TELO2: variants seen among roughly 807,000 people sequenced by gnomAD.
The protein encoded by TELO2 is telomere length regulation protein TEL2 homolog.
TELO2 carries 71 observed loss-of-function variants against 91.0 expected under a neutral mutation model. The observed-to-expected ratio is 0.78, with a 90% CI of 0.64 to 0.95. The LOEUF (loss-of-function observed/expected upper bound fraction) is 0.95, where lower values mean the gene tolerates loss of function less well. Among genes scored for constraint, TELO2 ranks in the 40% least tolerant of loss-of-function variants. TELO2 has a pLI of 0.00. For synonymous variants in TELO2, 584 were observed against 518.9 expected (o/e 1.13, Z -1.71); for missense variants, 1,183 against 1,141.3 (o/e 1.04, Z -0.53).
At position 1,494,008 on chromosome 16, in the gene TELO2, T is replaced by G. The variant is rs2039390876; in HGVS notation, c.-36-238T>G. Among the ~76,000 whole-genome samples the G allele has an allele frequency of 6.6e-6, 1 of 152,182 alleles. No individual in the cohort carries two copies. ...CTCCCGGTTGAGACAACTGAGAATG[T>G]TCCCTGGGCACAGTGGCCCGGGTTG... On this transcript the variant is annotated intron_variant, in intron 1 of 20. Transcript: ENST00000262319. The surrounding 1 kb of genome is among the most constrained non-coding windows in gnomAD (Gnocchi z 5.6).
Position 1,505,986 on chromosome 16 carries a change from C to T in TELO2, c.2035-252C>T, listed in dbSNP as rs576469242. 2.0e-4 allele frequency among the ~76,000 whole-genome samples: 30 copies of T among 152,238 alleles called. No homozygotes were observed. The highest frequency in any genetic ancestry group is 2.8e-4 in the Non-Finnish European group (19 of 68,038). On this transcript the variant is annotated intron_variant, in intron 16 of 20. Coordinates refer to ENST00000262319, the MANE Select transcript of TELO2 (RefSeq NM_016111.4). This position sits in a 1 kb window ranked among gnomAD's most constrained non-coding sequence, Gnocchi z 4.3. ...AGTGCCCAGGGCGGCCTCCCCAGGACGCTCCTCCAGCCTTGAATGTCCTGC... is the reference window on the plus strand; with the variant it reads ...AGTGCCCAGGGCGGCCTCCCCAGGATGCTCCTCCAGCCTTGAATGTCCTGC...
Position 1,497,557 on chromosome 16 carries a change from C to A in TELO2, c.830+49C>A, listed in dbSNP as rs1371315196. On this transcript the variant is annotated intron_variant, in intron 5 of 20. Coordinates refer to ENST00000262319, the MANE Select transcript of TELO2 (RefSeq NM_016111.4). This position sits in a 1 kb window ranked among gnomAD's most constrained non-coding sequence, Gnocchi z 4.0. ...GCTGCACTGGCTTCTGGGGTCTGGA[C>A]CCCCAGAGGCTGCCATTCCTTCACG... 7.3e-6 allele frequency: 11 copies of A among 1,498,692 alleles called. No homozygotes were observed. The East Asian group carries it at 2.0e-4, about 27-fold the overall frequency. 92.8% of individuals were successfully genotyped at this position (1,498,692 alleles called of 1,614,324 possible).
Position 1,497,284 on chromosome 16 carries a change from C to A in TELO2, c.683-77C>A. On this transcript the variant is annotated intron_variant, in intron 4 of 20. Coordinates refer to ENST00000262319, the MANE Select transcript of TELO2 (RefSeq NM_016111.4). This position sits in a 1 kb window ranked among gnomAD's most constrained non-coding sequence, Gnocchi z 4.0. ...GCTTACTGGGGAGCTGTGGGACTGT[C>A]CTTGCTGGACCCACACAGCCCCAGA... 1 of 1,496,192 alleles carries A rather than the reference C, an allele frequency of 6.7e-7. No individual in the cohort carries two copies. Among genetic ancestry groups the A allele is most frequent in the South Asian group, 1.3e-5 (1 of 75,656 alleles). 92.7% of individuals were successfully genotyped at this position (1,496,192 alleles called of 1,614,324 possible).
chr16:1,500,232 G>A (rs1356344624), intron 7 of TELO2, 68 bp downstream of exon 7: 9 of 1,538,302 alleles, frequency 5.9e-6, no homozygotes, highest in South Asian at 1.2e-5. Context: ...CTCACCTTTT[G>A]GGCGGCAGGG....
intron 10 of TELO2, 35 bp from the exon 11 acceptor site, chr16:1,501,628 C>G (rs201482734): frequency 1.9e-6 from 3 of 1,584,642 alleles, no homozygotes; most frequent in Non-Finnish European, 8.6e-7. Context: ...GCTCGAGGGG[C>G]CCCTAAAGGA....
intron 12 of TELO2, 60 bp downstream of exon 12, chr16:1,502,195 G>C: frequency 1.9e-6 from 3 of 1,601,634 alleles, no homozygotes; most frequent in Non-Finnish European, 2.6e-6. Flanking sequence ...TCACAGCCTG[G>C]TTCTGCCTCA....
At chr16:1,504,467 G>A (rs952826039) in intron 15 of TELO2, among the ~76,000 whole-genome samples, 20 of 148,440 alleles carry the variant, frequency 1.3e-4, no homozygotes, top group African/African-American at 3.7e-4. Flanking sequence ...GGAGGGGAGG[G>A]GTTAACGTGG....
chr16:1,497,070 G>A lies in TELO2; in HGVS notation c.648G>A (p.Gln216=), dbSNP rs915405754. 1.9e-6 allele frequency: 3 copies of A among 1,614,074 alleles called. No homozygotes were observed. Among genetic ancestry groups the A allele is most frequent in the South Asian group, 2.2e-5 (2 of 91,072 alleles). Residue 216 remains glutamine, a synonymous_variant, in exon 4 of 21, where the codon CAG becomes CAA. Transcript: ENST00000262319. The surrounding 1 kb of genome is among the most constrained non-coding windows in gnomAD (Gnocchi z 4.0). The part of the protein sequence containing the change: ...GLDSSVSFVS[Q]VLGKACVHGR... Reference sequence around the variant, plus strand: ...ATTCCTCCGTGTCCTTCGTGTCTCAGGTCCTTGGGAAAGCCTGTGTCCACG... The same window carrying A: ...ATTCCTCCGTGTCCTTCGTGTCTCAAGTCCTTGGGAAAGCCTGTGTCCACG...
chr16:1,500,368 A>G lies in TELO2; in HGVS notation c.1024A>G (p.Thr342Ala). ...LLQVLKELLE[T>A]WGSSSAIRHT... The stretch of plus-strand genomic sequence containing the variant: ...GCAGGTGCTGAAGGAGCTGTTGGAG[A>G]CGTGGGGCAGCAGCAGTGCCATCCG... The change falls in exon 8 of 21, where the codon ACG (threonine) becomes GCG (alanine). Residue 342 changes from threonine (T) to alanine (A), a missense_variant. Thr to Ala is a moderately conservative substitution (Grantham distance 58). Transcript: ENST00000262319. 2 of 1,594,442 alleles carry G rather than the reference A, an allele frequency of 1.3e-6. No individual in the cohort carries two copies. The highest frequency in any genetic ancestry group is 1.1e-5 in the South Asian group (1 of 88,736).
chr16:1,500,558 T>G lies in TELO2; in HGVS notation c.1145-5T>G. On this transcript the variant is annotated splice_polypyrimidine_tract_variant and splice_region_variant and intron_variant, in intron 8 of 20. Coordinates refer to ENST00000262319, the MANE Select transcript of TELO2 (RefSeq NM_016111.4). ...GTGCTCAGGGGGCCTGTCCGGTGCT[T>G]GCAGAACTGCTGGCCAGCATGATGG... is the stretch of plus-strand genomic sequence containing the variant. 1 of 1,611,644 alleles carries G rather than the reference T, an allele frequency of 6.2e-7. No individual in the cohort carries two copies. Among genetic ancestry groups the G allele is most frequent in the Non-Finnish European group, 8.5e-7 (1 of 1,179,526 alleles).
At chr16:1,508,182 G>T (rs1347152438) in intron 20 of TELO2, among the ~76,000 whole-genome samples, 1 of 152,146 alleles carries the variant, frequency 6.6e-6, no homozygotes, top group African/African-American at 2.4e-5. Context: ...GCCCAGGCTG[G>T]AGTGCCGTGG....
At position 1,510,310 on chromosome 16, in the gene TELO2, C is replaced by G. The variant is rs1219135730; in HGVS notation, c.*374C>G. 7.0e-6 allele frequency: 2 copies of G among 285,346 alleles called. No homozygotes were observed. Among genetic ancestry groups the G allele is most frequent in the South Asian group, 3.9e-5 (1 of 25,940 alleles). 17.7% of individuals were successfully genotyped at this position (285,346 alleles called of 1,614,324 possible). Reference sequence around the variant, plus strand: ...AGCCACCAAGCAGGACAGAGCAGCTCTTGTCCCAGGTCCCTCGGGCTGAGC... The same window carrying G: ...AGCCACCAAGCAGGACAGAGCAGCTGTTGTCCCAGGTCCCTCGGGCTGAGC... On this transcript the variant is annotated 3_prime_UTR_variant, in exon 21 of 21. Transcript: ENST00000262319.
Position 1,494,229 on chromosome 16 carries a change from C to T in TELO2, c.-36-17C>T, listed in dbSNP as rs1460467059. 3 of 1,553,100 alleles carry T rather than the reference C, an allele frequency of 1.9e-6. No homozygotes were observed. Among genetic ancestry groups the T allele is most frequent in the East Asian group, 2.3e-5 (1 of 44,208 alleles). The stretch of plus-strand genomic sequence containing the variant: ...TTATTTCCGTGCCCCAAGCTGAGCC[C>T]TGTGTCCATGTCACAGGTCGTCTTC... On this transcript the variant is annotated splice_polypyrimidine_tract_variant and intron_variant, in intron 1 of 20. Transcript: ENST00000262319. The surrounding 1 kb of genome is among the most constrained non-coding windows in gnomAD (Gnocchi z 5.6).
Position 1,502,411 on chromosome 16 carries a change from G to T in TELO2, c.1653+7G>T, listed in dbSNP as rs780880078. 3.1e-5 allele frequency: 50 copies of T among 1,587,982 alleles called. No individual in the cohort carries two copies. The highest frequency in any genetic ancestry group is 2.1e-4 in the Admixed American group (12 of 56,116). ...CCCCACAGCCACTCGGGAGGTGAGT[G>T]GGGGGCGGGAGTGGGTGGGGAGGCC... On this transcript the variant is annotated splice_region_variant and intron_variant, in intron 13 of 20. Coordinates refer to ENST00000262319, the MANE Select transcript of TELO2 (RefSeq NM_016111.4).
At position 1,503,206 on chromosome 16, in the gene TELO2, C is replaced by T. The variant is rs927754767; in HGVS notation, c.1842+204C>T. On this transcript the variant is annotated intron_variant, in intron 15 of 20. Coordinates refer to ENST00000262319, the MANE Select transcript of TELO2 (RefSeq NM_016111.4). ...AGAGAGTTTTGTTTGTTTAAAATAA[C>T]AGCTTTACTGATATAATTCACACGC... Among the ~76,000 whole-genome samples the T allele has an allele frequency of 2.6e-5, 4 of 152,196 alleles. No homozygotes were observed. The East Asian group carries it at 5.8e-4, about 22-fold the overall frequency.
Position 1,501,718 on chromosome 16 carries a change from G to C in TELO2, c.1417G>C (p.Val473Leu). The stretch of plus-strand genomic sequence containing the variant: ...CCCTGCAGAGACCCCCGCAGAGATC[G>C]TGGATGGCGGCGTCCCCCAAGCACA... ...EPPAETPAEIVDGGVPQAQLA... is the reference protein window; with the variant it reads ...EPPAETPAEILDGGVPQAQLA... Residue 473 changes from valine (V) to leucine (L), a missense_variant, in exon 11 of 21, where the codon GTG becomes CTG. Transcript: ENST00000262319. 1 of 1,612,538 alleles carries C rather than the reference G, an allele frequency of 6.2e-7. No homozygotes were observed. The highest frequency in any genetic ancestry group is 8.5e-7 in the Non-Finnish European group (1 of 1,179,912).
intron 20 of TELO2, among the ~76,000 whole-genome samples, chr16:1,509,136 C>A (rs912358665): frequency 6.6e-6 from 1 of 152,196 alleles, no homozygotes. Flanking sequence ...GTACCTGCGA[C>A]GTCATCATCT....
rs1407688277 is a variant in TELO2, at chr16:1,497,444, G to A, written c.766G>A (p.Val256Met). Residue 256 changes from valine to methionine, a missense_variant, in exon 5 of 21, where the codon GTG (valine) becomes ATG (methionine). Physicochemically the swap from Val to Met is conservative, Grantham distance 21 (BLOSUM62 1). Coordinates refer to ENST00000262319, the MANE Select transcript of TELO2 (RefSeq NM_016111.4). This position sits in a 1 kb window ranked among gnomAD's most constrained non-coding sequence, Gnocchi z 4.0. The stretch of plus-strand genomic sequence containing the variant: ...GCACCAGCGCGTCTGCTGGCGCCTG[G>A]TGGAGCAAGTGCCGGACCGGGCCAT... ...YLHQRVCWRLVEQVPDRAMEA... is the reference protein window; with the variant it reads ...YLHQRVCWRLMEQVPDRAMEA... 2.6e-6 allele frequency: 4 copies of A among 1,568,286 alleles called. No individual in the cohort carries two copies. In the South Asian group the frequency reaches 4.7e-5, roughly 18 times the overall value.
chr16:1,501,107 C>T lies in TELO2; in HGVS notation c.1282-313C>T, dbSNP rs2039661940. On this transcript the variant is annotated intron_variant, in intron 9 of 20. Transcript: ENST00000262319. Reference sequence around the variant, plus strand: ...TGGAGGAGCCCTGTCTGCCTTCAGGCTGTGGAGGTGACGGCCTGTCCTCTT... The same window carrying T: ...TGGAGGAGCCCTGTCTGCCTTCAGGTTGTGGAGGTGACGGCCTGTCCTCTT... Among the ~76,000 whole-genome samples the T allele has an allele frequency of 2.6e-5, 4 of 152,250 alleles. No individual in the cohort carries two copies. In the South Asian group the frequency reaches 8.3e-4, roughly 31 times the overall value.
Sources: allele counts gnomAD v4.1 joint callset (sites outside exome capture counted in the v4.1 genomes callset), GRCh38; gene constraint gnomAD v4.1.1; non-coding constraint Gnocchi (gnomAD v3.1); transcripts MANE v1.5; gene names NCBI Gene and HGNC (gene_info 2026-07-23, HGNC 2026-07-21).